The following ZDHHC17 variants were observed in gnomAD, a reference collection of about 807,000 sequenced individuals.
ZDHHC17 encodes the protein zDHHC palmitoyltransferase 17, also known as palmitoyltransferase ZDHHC17.
In ZDHHC17, 40 loss-of-function variants were observed where a neutral mutation model predicts 90.3. The ratio of observed to expected loss-of-function variants is 0.44; its 90% CI spans 0.34 to 0.58. The LOEUF is 0.58. Among genes scored for constraint, ZDHHC17 ranks in the 20% least tolerant of loss-of-function variants. The pLI is 0.01. For synonymous variants in ZDHHC17, 235 were observed against 252.4 expected (o/e 0.93, Z 0.65); for missense variants, 614 against 780.8 (o/e 0.79, Z 2.55).
intron 1 of ZDHHC17, among the ~76,000 whole-genome samples, chr12:76,778,641 A>T (rs1952588959): frequency 6.6e-6 from 1 of 152,192 alleles, no homozygotes; most frequent in East Asian, 1.9e-4. Context: ...ACACTTTTTA[A>T]TTTTAGCCCA....
At chr12:76,772,597 C>G (rs1047531394) in intron 1 of ZDHHC17, among the ~76,000 whole-genome samples, 1 of 131,010 alleles carries the variant, frequency 7.6e-6, no homozygotes, top group Non-Finnish European at 1.6e-5. Context: ...TGCAGTGATA[C>G]AATCTCAGCT....
Position 76,764,169 on chromosome 12 carries a change from T to C in ZDHHC17, c.-68T>C. 3 of 920,664 alleles carry C rather than the reference T, an allele frequency of 3.3e-6. No individual in the cohort carries two copies. Among genetic ancestry groups the C allele is most frequent in the Non-Finnish European group, 3.0e-6 (2 of 656,756 alleles). 57.0% of individuals were successfully genotyped at this position (920,664 alleles called of 1,614,324 possible). A position where few individuals can be genotyped will look rare whatever the true frequency, so the allele number is the denominator to read the frequency against. On this transcript the variant is annotated 5_prime_UTR_variant, in exon 1 of 17. Coordinates refer to ENST00000426126, the MANE Select transcript of ZDHHC17 (RefSeq NM_015336.4). ...AGGCCCGCGTCGCCTCCGGCGGGGC[T>C]CGCGCTCGCCCCGCGCTCGCCCTCC...
intron 1 of ZDHHC17, among the ~76,000 whole-genome samples, chr12:76,773,656 ACTCCC>A (rs1161361467): frequency 1.3e-5 from 2 of 152,118 alleles, no homozygotes; most frequent in African/African-American, 4.8e-5. Context: ...CTAAACTCTG[ACTCCC>A]AAGCCCATAA....
intron 1 of ZDHHC17, among the ~76,000 whole-genome samples, chr12:76,792,036 A>G (rs963203114): frequency 6.6e-6 from 1 of 152,154 alleles, no homozygotes; most frequent in Non-Finnish European, 1.5e-5. Flanking sequence ...ATGTTGTTTC[A>G]GGAGGTTTTA....
intron 2 of ZDHHC17, among the ~76,000 whole-genome samples, chr12:76,800,893 T>C (rs1952879379): frequency 6.8e-6 from 1 of 146,452 alleles, no homozygotes; most frequent in Non-Finnish European, 1.5e-5. Context: ...TTCTTTTTTT[T>C]TTTTTTTTTT....
chr12:76,764,557 C>T lies in ZDHHC17; in HGVS notation c.93+228C>T, dbSNP rs554232640. The stretch of plus-strand genomic sequence containing the variant: ...CTCTGGGACGCAGTCCCTGGCTGTG[C>T]CTGGAGGACAGAGGTGGAGGTGTTG... On this transcript the variant is annotated intron_variant, in intron 1 of 16. Transcript: ENST00000426126. 4.7e-4 allele frequency: 274 copies of T among 578,476 alleles called. 1 individual carries two copies. In the East Asian group the frequency reaches 7.7e-3, roughly 16 times the overall value. The allele number at this position is 578,476 out of a possible 1,614,324, so 35.8% of individuals were successfully genotyped here.
chr12:76,811,178 A>G (rs571569610), intron 5 of ZDHHC17, among the ~76,000 whole-genome samples: 332 of 152,296 alleles, frequency 2.2e-3, no homozygotes, highest in African/African-American at 7.1e-3. Context: ...CCCGGAGGGA[A>G]GGGACCACAC....
At position 76,820,010 on chromosome 12, in the gene ZDHHC17, A is replaced by G. The variant is rs1001673707; in HGVS notation, c.772-2396A>G. On this transcript the variant is annotated intron_variant, in intron 7 of 16. Transcript: ENST00000426126. Reference sequence around the variant, plus strand: ...CTATGTCTTAAAAAAAAAAAAAAAAAAAAGACAATTTATACTAAATGATAG... The same window carrying G: ...CTATGTCTTAAAAAAAAAAAAAAAAGAAAGACAATTTATACTAAATGATAG... Among the ~76,000 whole-genome samples, 10 of 152,060 alleles carry G rather than the reference A, an allele frequency of 6.6e-5. 1 individual carries two copies. In the South Asian group the frequency reaches 2.1e-3, roughly 32 times the overall value.
chr12:76,829,185 G>A (rs947356428), intron 10 of ZDHHC17, among the ~76,000 whole-genome samples: 2 of 152,048 alleles, frequency 1.3e-5, no homozygotes, highest in Non-Finnish European at 2.9e-5. Context: ...ATGGCTGGGC[G>A]CTGCGTCTCA....
intron 5 of ZDHHC17, among the ~76,000 whole-genome samples, chr12:76,813,647 C>T (rs1953051509): frequency 6.6e-6 from 1 of 152,040 alleles, no homozygotes; most frequent in Admixed American, 6.6e-5. Flanking sequence ...GCTCTCTCCA[C>T]TGATTGGTGA....
chr12:76,843,733 C>T (rs1953462404), intron 12 of ZDHHC17, among the ~76,000 whole-genome samples: 1 of 151,964 alleles, frequency 6.6e-6, no homozygotes, highest in Non-Finnish European at 1.5e-5. Flanking sequence ...TTGAAATATT[C>T]CAAAGTCATA....
intron 1 of ZDHHC17, among the ~76,000 whole-genome samples, chr12:76,796,562 A>G (rs942236035): frequency 6.6e-6 from 1 of 152,132 alleles, no homozygotes; most frequent in African/African-American, 2.4e-5. Context: ...GGATATTAAC[A>G]TTTTTAGGCC....
chr12:76,799,845 G>A (rs907698788), intron 2 of ZDHHC17, among the ~76,000 whole-genome samples: 1 of 152,178 alleles, frequency 6.6e-6, no homozygotes, highest in African/African-American at 2.4e-5. Flanking sequence ...GGGACCAGAA[G>A]TGTTTTGGAT....
chr12:76,820,699 T>C (rs940184593), intron 7 of ZDHHC17, among the ~76,000 whole-genome samples: 1 of 152,194 alleles, frequency 6.6e-6, no homozygotes, highest in Non-Finnish European at 1.5e-5. Context: ...AAAATTTTTT[T>C]AAAATTTGAC....
At chr12:76,805,688 G>A (rs974523861) in intron 3 of ZDHHC17, among the ~76,000 whole-genome samples, 4 of 151,968 alleles carry the variant, frequency 2.6e-5, no homozygotes, top group Non-Finnish European at 4.4e-5. Flanking sequence ...TAATATAACC[G>A]TATATGAAAT....
In ZDHHC17 at chr12:76,764,346, A is replaced by G. The variant is rs748936755; in HGVS notation, c.93+17A>G. The G allele has an allele frequency of 7.0e-6, 11 of 1,565,914 alleles. No individual in the cohort carries two copies. The highest frequency in any genetic ancestry group is 9.5e-6 in the Non-Finnish European group (11 of 1,152,876). On this transcript the variant is annotated intron_variant, in intron 1 of 16. Coordinates refer to ENST00000426126, the MANE Select transcript of ZDHHC17 (RefSeq NM_015336.4). Reference sequence around the variant, plus strand: ...CACCCAGAGGTGAGGAACCGTGCTGAGTGGATTCCTTGCCCTGCGGCCCTC... The same window carrying G: ...CACCCAGAGGTGAGGAACCGTGCTGGGTGGATTCCTTGCCCTGCGGCCCTC...
intron 14 of ZDHHC17, 49 bp downstream of exon 14, chr12:76,846,728 T>G: frequency 7.0e-7 from 1 of 1,424,584 alleles, no homozygotes; most frequent in Non-Finnish European, 9.7e-7. Flanking sequence ...TCTGCATACT[T>G]AGATTATACT....
chr12:76,817,915 A>G (rs979414427), intron 7 of ZDHHC17, among the ~76,000 whole-genome samples: 5 of 152,168 alleles, frequency 3.3e-5, no homozygotes, highest in Non-Finnish European at 1.5e-5. Flanking sequence ...TTCCTTAACT[A>G]TTATTGTAGT....
chr12:76,767,284 C>G (rs1314806550), intron 1 of ZDHHC17, among the ~76,000 whole-genome samples: 1 of 152,078 alleles, frequency 6.6e-6, no homozygotes, highest in African/African-American at 2.4e-5. Context: ...TTTTTATCTT[C>G]CAATTTAATA....
Sources: allele counts gnomAD v4.1 joint callset (sites outside exome capture counted in the v4.1 genomes callset), GRCh38; gene constraint gnomAD v4.1.1; transcripts MANE v1.5; gene names NCBI Gene and HGNC (gene_info 2026-07-23, HGNC 2026-07-21).